SORCS3: variants seen among roughly 807,000 people sequenced by gnomAD.
SORCS3 encodes sortilin related VPS10 domain containing receptor 3.
Under a neutral mutation model 146.3 loss-of-function variants are expected in SORCS3, and 57 were observed. That is an observed-to-expected ratio of 0.39 (90% CI 0.31 to 0.49). The LOEUF (loss-of-function observed/expected upper bound fraction) is 0.49. Among genes scored for constraint, SORCS3 ranks in the 20% least tolerant of loss-of-function variants. The probability of loss-of-function intolerance (pLI) is 0.92; values close to 1 mark genes in which losing one functional copy is unlikely to be tolerated. For synonymous variants in SORCS3, 653 were observed against 618.5 expected (o/e 1.06, Z -0.83); for missense variants, 1,341 against 1,575.5 (o/e 0.85, Z 2.52).
chr10:104,871,760 A>G (rs1344854210), intron 2 of SORCS3, among the ~76,000 whole-genome samples: 1 of 152,186 alleles, frequency 6.6e-6, no homozygotes, highest in Non-Finnish European at 1.5e-5. Context: ...CTGAGACACA[A>G]CTTAAAGGTG....
intron 1 of SORCS3, among the ~76,000 whole-genome samples, chr10:104,838,785 G>T (rs1380676359): frequency 6.6e-6 from 1 of 152,118 alleles, no homozygotes; most frequent in African/African-American, 2.4e-5. Context: ...CTGGAAATGT[G>T]GTCCTCTGGT....
At chr10:104,893,452 A>C (rs1290753896) in intron 2 of SORCS3, among the ~76,000 whole-genome samples, 1 of 152,180 alleles carries the variant, frequency 6.6e-6, no homozygotes, top group Admixed American at 6.5e-5. Flanking sequence ...CAGCTTTGGT[A>C]ATCAGAGCAA....
Position 104,734,273 on chromosome 10 carries a change from G to A in SORCS3, c.627+92319G>A, listed in dbSNP as rs1285836934. 4.6e-5 allele frequency among the ~76,000 whole-genome samples: 7 copies of A among 152,250 alleles called. No individual in the cohort carries two copies. In the East Asian group the frequency reaches 1.4e-3, roughly 29 times the overall value. ...TTTATTGTAAGGGTGAATATCTGTA[G>A]TCCCGCACATGTTAGTATGAATTAG... On this transcript the variant is annotated intron_variant, in intron 1 of 26. Coordinates refer to ENST00000369701, the MANE Select transcript of SORCS3 (RefSeq NM_014978.3).
chr10:104,982,335 G>A (rs1213189449), intron 4 of SORCS3, among the ~76,000 whole-genome samples: 1 of 152,164 alleles, frequency 6.6e-6, no homozygotes, highest in African/African-American at 2.4e-5. Context: ...AAGAAACTGT[G>A]ACTTTCATTT....
chr10:105,169,579 G>A (rs1341333772), intron 13 of SORCS3, among the ~76,000 whole-genome samples: 1 of 152,078 alleles, frequency 6.6e-6, no homozygotes, highest in South Asian at 2.1e-4. Context: ...AAGTAATGTA[G>A]GGAGTGTTCA....
At chr10:105,172,471 T>C (rs189362877) in intron 13 of SORCS3, among the ~76,000 whole-genome samples, 1 of 152,324 alleles carries the variant, frequency 6.6e-6, no homozygotes, top group African/African-American at 2.4e-5. Context: ...CCTTATTCTA[T>C]CTGTATGTTA....
chr10:105,165,091 C>T (rs147333849), intron 12 of SORCS3, among the ~76,000 whole-genome samples: 2,390 of 152,164 alleles, frequency 0.016, 17 homozygotes, highest in Non-Finnish European at 0.023. Flanking sequence ...TTTAAATACT[C>T]TCTTATGGCT....
chr10:104,859,853 T>C (rs982711358), intron 2 of SORCS3, among the ~76,000 whole-genome samples: 6 of 147,812 alleles, frequency 4.1e-5, no homozygotes, highest in Non-Finnish European at 6.0e-5. Context: ...GAAATGCAAA[T>C]CAAAACCACA....
intron 1 of SORCS3, among the ~76,000 whole-genome samples, chr10:104,693,611 C>A (rs2133423718): frequency 6.6e-6 from 1 of 152,182 alleles, no homozygotes; most frequent in Admixed American, 6.5e-5. Context: ...AGTGCTAAGC[C>A]CTGAATACTC....
intron 2 of SORCS3, among the ~76,000 whole-genome samples, chr10:104,875,991 TGA>T (rs1405411746): frequency 1.3e-5 from 2 of 152,196 alleles, no homozygotes; most frequent in Non-Finnish European, 2.9e-5. Flanking sequence ...AAAGTTTATC[TGA>T]GAGTTTCTGA....
chr10:104,955,889 T>C (rs1348037983), intron 3 of SORCS3, among the ~76,000 whole-genome samples: 1 of 152,130 alleles, frequency 6.6e-6, no homozygotes, highest in Non-Finnish European at 1.5e-5. Context: ...AAGTTCTTCT[T>C]GCCACAAAAG....
intron 3 of SORCS3, among the ~76,000 whole-genome samples, chr10:104,968,427 T>G (rs2054839858): frequency 6.6e-6 from 1 of 152,208 alleles, no homozygotes; most frequent in Non-Finnish European, 1.5e-5. Flanking sequence ...TGAGCAACTT[T>G]CTGTTTACAC....
intron 2 of SORCS3, among the ~76,000 whole-genome samples, chr10:104,907,503 T>C (rs1373018028): frequency 6.6e-6 from 1 of 152,212 alleles, no homozygotes; most frequent in Admixed American, 6.5e-5. Context: ...GCCTCTGTCC[T>C]ACCTGAGACG....
intron 5 of SORCS3, among the ~76,000 whole-genome samples, chr10:105,077,189 G>A (rs2133731043): frequency 6.6e-6 from 1 of 152,208 alleles, no homozygotes; most frequent in East Asian, 1.9e-4. Context: ...ATAAACTTAT[G>A]TGTTTTTATC....
chr10:105,036,232 A>G (rs1017474684), intron 4 of SORCS3, among the ~76,000 whole-genome samples: 2 of 151,870 alleles, frequency 1.3e-5, no homozygotes, highest in Non-Finnish European at 2.9e-5. Flanking sequence ...CTCATCCATC[A>G]TGACTCAGCT....
At chr10:104,776,739 C>T (rs2017312667) in intron 1 of SORCS3, among the ~76,000 whole-genome samples, 2 of 151,606 alleles carry the variant, frequency 1.3e-5, no homozygotes, top group South Asian at 2.1e-4. Flanking sequence ...TACCCAAGAT[C>T]GCTGTATCAG....
At chr10:105,097,333 A>C (rs1163772869) in intron 6 of SORCS3, among the ~76,000 whole-genome samples, 1 of 152,218 alleles carries the variant, frequency 6.6e-6, no homozygotes, top group Non-Finnish European at 1.5e-5. Context: ...CTGTGCGAAT[A>C]ATCCTATTTC....
intron 3 of SORCS3, among the ~76,000 whole-genome samples, chr10:104,938,526 G>T (rs1291164056): frequency 6.6e-6 from 1 of 151,512 alleles, no homozygotes; most frequent in African/African-American, 2.4e-5. Context: ...TAGCACCAGT[G>T]CTTATGCCCA....
chr10:105,157,127 T>G lies in SORCS3; in HGVS notation c.1483-11T>G, dbSNP rs199569872. On this transcript the variant is annotated splice_polypyrimidine_tract_variant and intron_variant, in intron 9 of 26. Transcript: ENST00000369701. The stretch of plus-strand genomic sequence containing the variant: ...CCAGCATGGTTCTCCATCTCTCACC[T>G]TTTTTCCTAGGTAGCAGGTATCAAA... The G allele has an allele frequency of 1.9e-4, 305 of 1,611,572 alleles. No homozygotes were observed. The highest frequency in any genetic ancestry group is 5.0e-4 in the Middle Eastern group (3 of 6,052).
Sources: allele counts gnomAD v4.1 joint callset (sites outside exome capture counted in the v4.1 genomes callset), GRCh38; gene constraint gnomAD v4.1.1; transcripts MANE v1.5; gene names NCBI Gene and HGNC (gene_info 2026-07-23, HGNC 2026-07-21).